The following STK32C variants were observed in gnomAD, a reference collection of about 807,000 sequenced individuals.
STK32C encodes serine/threonine-protein kinase 32C.
Under a neutral mutation model 56.5 loss-of-function variants are expected in STK32C, and 31 were observed. The observed-to-expected ratio is 0.55, with a 90% CI of 0.41 to 0.74. The LOEUF (loss-of-function observed/expected upper bound fraction) is 0.74, where lower values mean the gene tolerates loss of function less well. STK32C is among the 30% of genes least tolerant of loss of function. STK32C has a pLI of 0.00. For missense variants in STK32C, 544 were observed against 676.9 expected (o/e 0.80, Z 2.18); for synonymous variants, 309 against 289.4 (o/e 1.07, Z -0.69).
intron 2 of STK32C, among the ~76,000 whole-genome samples, chr10:132,230,816 G>A (rs780216666): frequency 1.3e-5 from 2 of 152,136 alleles, no homozygotes; most frequent in South Asian, 2.1e-4. Context: ...CTGCCCAGGC[G>A]ACCCAACCCT....
intron 1 of STK32C, among the ~76,000 whole-genome samples, chr10:132,292,510 CAT>C (rs776712975): frequency 2.0e-5 from 3 of 152,224 alleles, no homozygotes; most frequent in Non-Finnish European, 2.9e-5. Flanking sequence ...CTCAGGCACA[CAT>C]AAACACATGC....
rs2062936472 is a variant in STK32C at position 132,227,596 on chromosome 10, G to GTGGTGGTGATGGCGATGA, written c.470+363_470+380dup. On this transcript the variant is annotated intron_variant, in intron 3 of 11. Transcript: ENST00000298630. ...AGTGATGATGGTTGCAGTGGTGATG[G>GTGGTGGTGATGGCGATGA]TGGTGGTGATGGCGATGATGGTGGT... 6.8e-5 allele frequency among the ~76,000 whole-genome samples: 10 copies of GTGGTGGTGATGGCGATGA among 147,686 alleles called. 1 individual carries two copies. In the South Asian group the frequency reaches 1.7e-3, roughly 25 times the overall value.
At chr10:132,264,484 T>G (rs915749048) in intron 1 of STK32C, among the ~76,000 whole-genome samples, 1 of 152,104 alleles carries the variant, frequency 6.6e-6, no homozygotes, top group African/African-American at 2.4e-5. Flanking sequence ...CAGAGCTTTG[T>G]GCTGCACCCC....
intron 10 of STK32C, among the ~76,000 whole-genome samples, chr10:132,218,900 C>T (rs894953113): frequency 5.9e-5 from 9 of 152,184 alleles, no homozygotes; most frequent in South Asian, 2.1e-4. Flanking sequence ...CAGGCTACAA[C>T]GTGGACGGGC....
chr10:132,254,297 G>A lies in STK32C; in HGVS notation c.263-8342C>T, dbSNP rs367763327. ...GCACTCCAGCCTGGGCAAAAAGGGC[G>A]AAACTCCATCAGGGGAGAAAAAAAC... On this transcript the variant is annotated intron_variant, in intron 1 of 11. Coordinates refer to ENST00000298630, the MANE Select transcript of STK32C (RefSeq NM_173575.4). Among the ~76,000 whole-genome samples, 21 of 152,176 alleles carry A rather than the reference G, an allele frequency of 1.4e-4. 1 individual carries two copies. The highest frequency in any genetic ancestry group is 7.7e-4 in the East Asian group (4 of 5,176).
Position 132,225,351 on chromosome 10 carries a change from G to A in STK32C, c.773-15C>T, listed in dbSNP as rs769853252. 5 of 1,603,030 alleles carry A rather than the reference G, an allele frequency of 3.1e-6. No individual in the cohort carries two copies. Among genetic ancestry groups the A allele is most frequent in the East Asian group, 2.3e-5 (1 of 43,932 alleles). ...GATCTCCGGAGCTTTCCGACAGAAA[G>A]AAGGAAAAACAGCTGCCACGGGGTC... On this transcript the variant is annotated splice_polypyrimidine_tract_variant and intron_variant, in intron 6 of 11. Transcript: ENST00000298630.
At chr10:132,262,999 G>A (rs918331756) in intron 1 of STK32C, among the ~76,000 whole-genome samples, 5 of 152,214 alleles carry the variant, frequency 3.3e-5, no homozygotes, top group South Asian at 2.1e-4. Context: ...CTATTAGTGG[G>A]AATCTAAATT....
chr10:132,239,914 C>A (rs190803716), intron 2 of STK32C, among the ~76,000 whole-genome samples: 2 of 152,226 alleles, frequency 1.3e-5, no homozygotes, highest in African/African-American at 4.8e-5. Context: ...TGGGAACACA[C>A]GTCACAGATA....
intron 2 of STK32C, among the ~76,000 whole-genome samples, chr10:132,240,085 A>C (rs2063448643): frequency 2.6e-5 from 4 of 151,542 alleles, no homozygotes; most frequent in Admixed American, 1.3e-4. Flanking sequence ...CCCCCAAAGA[A>C]GACCCCCAGG....
At chr10:132,280,655 T>C (rs1468020540) in intron 1 of STK32C, among the ~76,000 whole-genome samples, 2 of 137,314 alleles carry the variant, frequency 1.5e-5, no homozygotes, top group Admixed American at 7.3e-5. Context: ...CACTCCATGA[T>C]CACCACACTC....
At chr10:132,273,076 C>A (rs979653392) in intron 1 of STK32C, among the ~76,000 whole-genome samples, 1 of 152,200 alleles carries the variant, frequency 6.6e-6, no homozygotes, top group Admixed American at 6.5e-5. Context: ...ACTGCAATTG[C>A]CCACATCATT....
chr10:132,216,480 AAAGAG>A (rs1409048965), intron 10 of STK32C, among the ~76,000 whole-genome samples: 1 of 151,844 alleles, frequency 6.6e-6, no homozygotes, highest in Admixed American at 6.6e-5. Flanking sequence ...AAAAAAAAAA[AAAGAG>A]AGAAAAAAAA....
intron 10 of STK32C, among the ~76,000 whole-genome samples, chr10:132,210,500 G>A (rs140195623): frequency 1.6e-4 from 24 of 152,252 alleles, no homozygotes; most frequent in African/African-American, 3.4e-4. Context: ...CGCCTGCTTC[G>A]GCCTCCCAAA....
At chr10:132,316,938 G>A (rs1046565489) in intron 1 of STK32C, among the ~76,000 whole-genome samples, 16 of 150,656 alleles carry the variant, frequency 1.1e-4, no homozygotes, top group Non-Finnish European at 2.9e-5. Context: ...GGGAGGCAGA[G>A]GTTGCAGTGA....
intron 1 of STK32C, among the ~76,000 whole-genome samples, chr10:132,330,811 A>G (rs2066670263): frequency 6.6e-6 from 1 of 151,446 alleles, no homozygotes; most frequent in Non-Finnish European, 1.5e-5. Flanking sequence ...TGTCCGGCCT[A>G]AAAAACATTT....
chr10:132,308,147 C>G (rs1216805931), upstream of STK32C, among the ~76,000 whole-genome samples: 1 of 151,556 alleles, frequency 6.6e-6, no homozygotes, highest in Admixed American at 6.6e-5. Context: ...GGGCTAGTGC[C>G]TGGAGTGTCG....
intron 1 of STK32C, among the ~76,000 whole-genome samples, chr10:132,270,844 A>G (rs10870284): frequency 0.62 from 94,118 of 152,014 alleles, 30,998 homozygotes; most frequent in African/African-American, 0.86. Flanking sequence ...CCATCCTGGA[A>G]GCATCCATCA....
chr10:132,216,429 C>T (rs1426352656), intron 10 of STK32C, among the ~76,000 whole-genome samples: 3 of 146,120 alleles, frequency 2.1e-5, no homozygotes, highest in African/African-American at 5.0e-5. Flanking sequence ...GCCATTGCAC[C>T]ACTGCACTCC....
chr10:132,209,946 C>T (rs1321754246), intron 10 of STK32C, among the ~76,000 whole-genome samples: 5 of 152,172 alleles, frequency 3.3e-5, no homozygotes, highest in South Asian at 2.1e-4. Flanking sequence ...AAGTCACCCA[C>T]GTCACAGCCA....
Sources: gnomAD v4.1 joint callset for allele counts (sites outside exome capture counted in the v4.1 genomes callset) on GRCh38, gnomAD v4.1.1 for gene constraint, MANE v1.5 for transcripts, NCBI Gene and HGNC (gene_info 2026-07-23, HGNC 2026-07-21) for gene names.